Variants in GTF2E2 observed in about 807,000 individuals in gnomAD.
The protein encoded by GTF2E2 is general transcription factor IIE subunit 2.
A neutral mutation model predicts 40.5 loss-of-function variants in GTF2E2; 21 were observed. That is an observed-to-expected ratio of 0.52 (90% confidence interval 0.37 to 0.75). The LOEUF (loss-of-function observed/expected upper bound fraction) is 0.75, where lower values mean the gene tolerates loss of function less well. GTF2E2 is among the 30% of genes least tolerant of loss of function. GTF2E2 has a pLI of 0.00. For synonymous variants in GTF2E2, 117 were observed against 121.6 expected, an observed-to-expected ratio of 0.96 and a Z score of 0.25; for missense variants, 298 against 338.4, an observed-to-expected ratio of 0.88 and a Z score of 0.94.
intron 6 of GTF2E2, among the ~76,000 whole-genome samples, chr8:30,583,511 C>G (rs1453811545): frequency 2.6e-5 from 4 of 152,090 alleles, no homozygotes; most frequent in Admixed American, 2.0e-4. Flanking sequence ...TCCCAAGTGG[C>G]TGGGACTACA....
intron 2 of GTF2E2, among the ~76,000 whole-genome samples, chr8:30,646,330 C>G (rs539792382): frequency 1.3e-5 from 2 of 152,150 alleles, no homozygotes; most frequent in African/African-American, 4.8e-5. Context: ...GCTAAGATAA[C>G]CAAGGCAGAA....
At chr8:30,618,002 G>C (rs1800973491) in intron 3 of GTF2E2, among the ~76,000 whole-genome samples, 1 of 152,040 alleles carries the variant, frequency 6.6e-6, no homozygotes, top group Non-Finnish European at 1.5e-5. Context: ...CCATTTAAAA[G>C]TTATGCTTTA....
chr8:30,618,359 T>C (rs1172102476), intron 3 of GTF2E2, among the ~76,000 whole-genome samples: 2 of 152,010 alleles, frequency 1.3e-5, no homozygotes, highest in African/African-American at 4.8e-5. Context: ...AAGTGGCTCC[T>C]TCATCACTAG....
At chr8:30,609,252 A>G (rs1389257669) in intron 5 of GTF2E2, among the ~76,000 whole-genome samples, 1 of 133,972 alleles carries the variant, frequency 7.5e-6, no homozygotes, top group African/African-American at 2.9e-5. Flanking sequence ...GGCAACAGAA[A>G]GAGACTCCGC....
At chr8:30,603,811 A>T (rs1829246746) in intron 6 of GTF2E2, among the ~76,000 whole-genome samples, 1 of 152,176 alleles carries the variant, frequency 6.6e-6, no homozygotes, top group South Asian at 2.1e-4. Flanking sequence ...AGATAAAATA[A>T]GTAGTTCACA....
rs1801406006 is a variant in GTF2E2 at position 30,630,397 on chromosome 8, G to C, written c.258+4635C>G. On this transcript the variant is annotated intron_variant, in intron 3 of 7. Transcript: ENST00000355904. ...CTGTACCTATCTAATGCCTCCCCTG[G>C]AACTTTTTCCACAGTTTCTAAATCA... Among the ~76,000 whole-genome samples, 2 of 152,056 alleles carry C rather than the reference G, an allele frequency of 1.3e-5. 1 individual carries two copies. The highest frequency in any genetic ancestry group is 4.8e-5 in the African/African-American group (2 of 41,392).
chr8:30,587,405 G>A (rs1428760898), intron 6 of GTF2E2, among the ~76,000 whole-genome samples: 8 of 150,156 alleles, frequency 5.3e-5, no homozygotes, highest in African/African-American at 9.8e-5. Context: ...AAAATGAGAC[G>A]CTGCCTCTAA....
Position 30,629,488 on chromosome 8 carries a change from C to A in GTF2E2, c.258+5544G>T, listed in dbSNP as rs1222066161. ...GATCACAAGGTCAGGAGATCCAGACCATCCTGGCTAACACGGTGAAACCCC... is the reference window on the plus strand; with the variant it reads ...GATCACAAGGTCAGGAGATCCAGACAATCCTGGCTAACACGGTGAAACCCC... On this transcript the variant is annotated intron_variant, in intron 3 of 7. Coordinates refer to ENST00000355904, the MANE Select transcript of GTF2E2 (RefSeq NM_002095.6). Among the ~76,000 whole-genome samples, 5 of 152,088 alleles carry A rather than the reference C, an allele frequency of 3.3e-5. No homozygotes were observed. The East Asian group carries it at 9.7e-4, about 29-fold the overall frequency.
At chr8:30,615,691 G>C (rs1800901088) in intron 3 of GTF2E2, among the ~76,000 whole-genome samples, 4 of 152,160 alleles carry the variant, frequency 2.6e-5, no homozygotes, top group Admixed American at 2.6e-4. Context: ...AGGATGCAAA[G>C]GAACAGGAGC....
intron 2 of GTF2E2, among the ~76,000 whole-genome samples, chr8:30,637,850 C>T (rs1355412023): frequency 6.6e-6 from 1 of 152,186 alleles, no homozygotes; most frequent in Non-Finnish European, 1.5e-5. Flanking sequence ...AAGAAGTCTA[C>T]ATAGCATGTA....
intron 3 of GTF2E2, among the ~76,000 whole-genome samples, chr8:30,619,732 G>A (rs1018893660): frequency 4.0e-5 from 6 of 151,778 alleles, no homozygotes; most frequent in African/African-American, 9.7e-5. Context: ...CCAAATTGTC[G>A]GGATTAAAAT....
At chr8:30,645,334 A>G in intron 2 of GTF2E2, 2 of 1,535,556 alleles carry the variant, frequency 1.3e-6, no homozygotes, top group Non-Finnish European at 1.7e-6. Flanking sequence ...CTGGAATGAA[A>G]CCACTACCTC....
chr8:30,637,261 A>G (rs900798036), intron 2 of GTF2E2: 3 of 456,116 alleles, frequency 6.6e-6, no homozygotes, highest in African/African-American at 6.0e-5. Flanking sequence ...CAACTGTATA[A>G]ACAACTGGGA....
chr8:30,656,476 G>T (rs1186572638), intron 1 of GTF2E2, among the ~76,000 whole-genome samples: 2 of 152,104 alleles, frequency 1.3e-5, no homozygotes, highest in African/African-American at 4.8e-5. Flanking sequence ...ACGTTGCAAA[G>T]GCAGGACCTC....
rs188508360 is a variant in GTF2E2, at chr8:30,619,608, C to T, written c.259-4893G>A. Among the ~76,000 whole-genome samples the T allele has an allele frequency of 3.0e-3, 454 of 151,858 alleles. 3 individuals carry two copies. Among genetic ancestry groups the T allele is most frequent in the Non-Finnish European group, 5.8e-3 (395 of 67,992 alleles). ...TTCACCATGTTGGTCAGGCTGGTCT[C>T]GAACTCCTGACCTCATGATCTGGCC... On this transcript the variant is annotated intron_variant, in intron 3 of 7. Coordinates refer to ENST00000355904, the MANE Select transcript of GTF2E2 (RefSeq NM_002095.6).
intron 2 of GTF2E2, among the ~76,000 whole-genome samples, chr8:30,642,438 G>A (rs1240023203): frequency 6.6e-6 from 1 of 152,106 alleles, no homozygotes; most frequent in East Asian, 1.9e-4. Flanking sequence ...AAGGAATAGT[G>A]CTTTTTATTT....
At chr8:30,616,651 T>G (rs1165925485) in intron 3 of GTF2E2, among the ~76,000 whole-genome samples, 1 of 152,030 alleles carries the variant, frequency 6.6e-6, no homozygotes, top group African/African-American at 2.4e-5. Context: ...CTATGGACTT[T>G]GAGTGGTAAT....
chr8:30,594,556 A>T (rs1312359657), intron 6 of GTF2E2, among the ~76,000 whole-genome samples: 178 of 142,646 alleles, frequency 1.2e-3, no homozygotes, highest in Middle Eastern at 3.5e-3. Flanking sequence ...TGGATCTTTA[A>T]AAAAAAAAAA....
chr8:30,618,281 T>C (rs1800983573), intron 3 of GTF2E2, among the ~76,000 whole-genome samples: 2 of 34,546 alleles, frequency 5.8e-5, no homozygotes, highest in African/African-American at 3.5e-4. Context: ...CAACACTCTG[T>C]CTCGGGGGGC....
Sources: gnomAD v4.1 joint callset for allele counts (sites outside exome capture counted in the v4.1 genomes callset) on GRCh38, gnomAD v4.1.1 for gene constraint, MANE v1.5 for transcripts, NCBI Gene and HGNC (gene_info 2026-07-23, HGNC 2026-07-21) for gene names.